Variants in TNRC6B observed in about 807,000 individuals in gnomAD.
The protein encoded by TNRC6B is trinucleotide repeat containing adaptor 6B, also known as trinucleotide repeat-containing gene 6B protein.
In TNRC6B, 52 loss-of-function variants were observed where a neutral mutation model predicts 203.6. The ratio of observed to expected loss-of-function variants is 0.26; its 90% CI spans 0.20 to 0.32. The LOEUF is 0.32. Ranked by LOEUF, TNRC6B falls within the 10% of genes least tolerant of loss-of-function variation. TNRC6B has a pLI of 1.00. For synonymous variants in TNRC6B, 838 were observed against 845.7 expected (o/e 0.99, Z 0.16); for missense variants, 1,923 against 2,286.2 (o/e 0.84, Z 3.24).
intron 11 of TNRC6B, among the ~76,000 whole-genome samples, chr22:40,282,908 A>G (rs1192192345): frequency 6.6e-6 from 1 of 152,210 alleles, no homozygotes; most frequent in African/African-American, 2.4e-5. Flanking sequence ...AAATACCACC[A>G]GACTCAGGTA....
intron 1 of TNRC6B, among the ~76,000 whole-genome samples, chr22:40,086,256 T>A (rs73422398): frequency 0.044 from 6,698 of 152,236 alleles, 448 homozygotes; most frequent in African/African-American, 0.14. Context: ...TCTTTCTCTT[T>A]TTTATCAGTT....
At chr22:40,154,866 T>TATATATAC (rs2068803474) in intron 3 of TNRC6B, among the ~76,000 whole-genome samples, 1 of 31,608 alleles carries the variant, frequency 3.2e-5, no homozygotes, top group Non-Finnish European at 5.1e-5. Flanking sequence ...AAAAAATATA[T>TATATATAC]ATATATATAT....
At chr22:40,091,263 A>T (rs886553736) in intron 1 of TNRC6B, among the ~76,000 whole-genome samples, 26 of 152,140 alleles carry the variant, frequency 1.7e-4, no homozygotes, top group East Asian at 1.5e-3. Flanking sequence ...GATATTTTTT[A>T]AAAAAGCTAT....
At chr22:40,193,028 G>A (rs780697104) in intron 1 of TNRC6B, among the ~76,000 whole-genome samples, 3 of 152,140 alleles carry the variant, frequency 2.0e-5, no homozygotes, top group Admixed American at 6.5e-5. Flanking sequence ...AGAGAAACCC[G>A]AAAAGGAAGG....
intron 3 of TNRC6B, among the ~76,000 whole-genome samples, chr22:40,153,937 ATATT>A: frequency 6.6e-6 from 1 of 151,284 alleles, no homozygotes; most frequent in Non-Finnish European, 1.5e-5. Flanking sequence ...TTATGAAATT[ATATT>A]AATTAATATT....
At chr22:40,321,559 G>A (rs1046597122) in intron 22 of TNRC6B, 32 of 225,678 alleles carry the variant, frequency 1.4e-4, no homozygotes, top group African/African-American at 5.3e-4. Context: ...AGGCCAAGGC[G>A]GGCAGATCAC....
At chr22:40,089,956 C>T (rs1019470947) in intron 1 of TNRC6B, among the ~76,000 whole-genome samples, 3 of 152,180 alleles carry the variant, frequency 2.0e-5, no homozygotes, top group Non-Finnish European at 4.4e-5. Flanking sequence ...TTCATGATGG[C>T]TTCTTTCACT....
intron 2 of TNRC6B, among the ~76,000 whole-genome samples, chr22:40,118,760 A>G (rs1172517202): frequency 5.3e-5 from 8 of 152,258 alleles, no homozygotes; most frequent in Admixed American, 5.2e-4. Context: ...ATGTGAGTAA[A>G]TAAATCCAAT....
intron 15 of TNRC6B, among the ~76,000 whole-genome samples, chr22:40,306,246 T>A (rs1170355320): frequency 6.6e-6 from 1 of 152,146 alleles, no homozygotes; most frequent in African/African-American, 2.4e-5. Context: ...GAGCCAAGAT[T>A]GTGCCGCTGC....
rs576747850 is a variant in TNRC6B at position 40,093,367 on chromosome 22, AGGAGAATAGAAGCACTGGG to A, written c.-120-23682_-120-23664del. Among the ~76,000 whole-genome samples the A allele has an allele frequency of 2.6e-5, 4 of 152,376 alleles. No individual in the cohort carries two copies. In the East Asian group the frequency reaches 7.7e-4, roughly 29 times the overall value. ...TCATATAACATCTGATCAAAGTTCT[AGGAGAATAGAAGCACTGGG>A]GGAGAGGCAGTATTTGAAGACATTT... On this transcript the variant is annotated intron_variant, in intron 1 of 23. Coordinates refer to the TNRC6B transcript ENST00000301923.
At chr22:40,130,644 G>T (rs894649115) in intron 3 of TNRC6B, among the ~76,000 whole-genome samples, 1 of 150,652 alleles carries the variant, frequency 6.6e-6, no homozygotes, top group Non-Finnish European at 1.5e-5. Context: ...AAAATTAGCC[G>T]GGCGAGGTGG....
chr22:40,315,139 A>G, intron 19 of TNRC6B, 144 bp from the exon 20 acceptor site: 1 of 683,030 alleles, frequency 1.5e-6, no homozygotes. Flanking sequence ...GTTATTTTGT[A>G]TTGCTGTGCT....
intron 4 of TNRC6B, among the ~76,000 whole-genome samples, chr22:40,164,596 G>C (rs13053550): frequency 0.68 from 101,713 of 149,784 alleles, 36,242 homozygotes; most frequent in African/African-American, 0.9. Context: ...AACCTGGTCT[G>C]TACTACAAAT....
chr22:40,220,897 A>G (rs1010282970), intron 1 of TNRC6B, among the ~76,000 whole-genome samples: 3 of 152,208 alleles, frequency 2.0e-5, no homozygotes, highest in South Asian at 2.1e-4. Context: ...AACACGTCCC[A>G]TGAAGTAAGG....
chr22:40,119,866 G>A (rs545294964), intron 2 of TNRC6B, among the ~76,000 whole-genome samples: 1 of 152,012 alleles, frequency 6.6e-6, no homozygotes, highest in East Asian at 1.9e-4. Context: ...AGTTGCCCTA[G>A]ACACAACCAT....
At chr22:40,188,099 C>G (rs2069227201) in intron 1 of TNRC6B, among the ~76,000 whole-genome samples, 1 of 152,116 alleles carries the variant, frequency 6.6e-6, no homozygotes, top group Non-Finnish European at 1.5e-5. Flanking sequence ...ATCCCAGCCA[C>G]TTGGGAGACT....
At chr22:40,138,168 G>A (rs560932328) in intron 3 of TNRC6B, among the ~76,000 whole-genome samples, 23 of 152,296 alleles carry the variant, frequency 1.5e-4, no homozygotes, top group African/African-American at 5.3e-4. Context: ...GAAGCATACA[G>A]GAAGGATGGG....
chr22:40,292,973 C>A (rs2070888427), intron 12 of TNRC6B, among the ~76,000 whole-genome samples: 1 of 152,112 alleles, frequency 6.6e-6, no homozygotes, highest in Non-Finnish European at 1.5e-5. Context: ...GCACTTAACC[C>A]ATATAGTATA....
At chr22:40,148,929 A>G (rs1467427823) in intron 3 of TNRC6B, among the ~76,000 whole-genome samples, 1 of 152,190 alleles carries the variant, frequency 6.6e-6, no homozygotes, top group East Asian at 1.9e-4. Flanking sequence ...AACCCTGCCA[A>G]TACCTTGATT....
Sources: gnomAD v4.1 joint callset for allele counts (sites outside exome capture counted in the v4.1 genomes callset) on GRCh38, gnomAD v4.1.1 for gene constraint, MANE v1.5 for transcripts, NCBI Gene and HGNC (gene_info 2026-07-23, HGNC 2026-07-21) for gene names.